NFATC1: variants seen among roughly 807,000 people sequenced by gnomAD.
NFATC1 encodes nuclear factor of activated T cells 1.
In NFATC1, 22 loss-of-function variants were observed where a neutral mutation model predicts 76.0. The observed-to-expected ratio is 0.29, with a 90% CI of 0.21 to 0.41. The LOEUF (loss-of-function observed/expected upper bound fraction) is 0.41, where lower values mean the gene tolerates loss of function less well. Ranked by LOEUF, NFATC1 falls within the 10% of genes least tolerant of loss-of-function variation. The probability of loss-of-function intolerance (pLI) is 1.00; values close to 1 mark genes in which losing one functional copy is unlikely to be tolerated. For missense variants in NFATC1, 1,357 were observed against 1,337.7 expected, an observed-to-expected ratio of 1.01 and a Z score of -0.23; for synonymous variants, 704 against 613.1, an observed-to-expected ratio of 1.15 and a Z score of -2.19.
intron 2 of NFATC1, among the ~76,000 whole-genome samples, chr18:79,427,089 T>C (rs552742524): frequency 1.7e-4 from 26 of 152,240 alleles, no homozygotes; most frequent in African/African-American, 6.0e-4. Context: ...GGAGGGAGCA[T>C]GTCCCGGGTT....
intron 8 of NFATC1, among the ~76,000 whole-genome samples, chr18:79,484,527 C>G (rs926055816): frequency 2.0e-5 from 3 of 152,182 alleles, no homozygotes; most frequent in African/African-American, 7.2e-5. Flanking sequence ...CTTTAAACCT[C>G]GATCTCCCCA....
intron 8 of NFATC1, among the ~76,000 whole-genome samples, chr18:79,473,181 T>C (rs535631457): frequency 4.6e-5 from 7 of 152,390 alleles, no homozygotes; most frequent in Middle Eastern, 3.4e-3. Context: ...GTGAGAATTC[T>C]GGGAGCCCAG....
rs1455499231 is a variant in NFATC1, at chr18:79,483,644, G to T, written c.2093-2604G>T. On this transcript the variant is annotated intron_variant, in intron 8 of 9. Coordinates refer to ENST00000427363, the MANE Select transcript of NFATC1 (RefSeq NM_001278669.2). The stretch of plus-strand genomic sequence containing the variant: ...TGGGGCGTCACTCTGGCGTGACCTG[G>T]TCCTGGGGTGTAATTCCAGCGTGAC... Among the ~76,000 whole-genome samples, 35 of 130,456 alleles carry T rather than the reference G, an allele frequency of 2.7e-4. 1 individual carries two copies. The highest frequency in any genetic ancestry group is 1.0e-3 in the African/African-American group (34 of 33,058). The allele number at this position is 130,456 out of a possible 152,430, so 85.6% of individuals were successfully genotyped here.
At chr18:79,431,891 C>T (rs529012044) in intron 2 of NFATC1, among the ~76,000 whole-genome samples, 13 of 152,212 alleles carry the variant, frequency 8.5e-5, no homozygotes, top group African/African-American at 2.9e-4. Context: ...TTAGTAGAGA[C>T]AGGGTTTCAC....
intron 1 of NFATC1, among the ~76,000 whole-genome samples, chr18:79,405,931 C>G (rs1043475825): frequency 1.3e-5 from 2 of 152,210 alleles, no homozygotes; most frequent in African/African-American, 4.8e-5. Context: ...CTTCCCCTCA[C>G]GCCTGGGCCC....
chr18:79,523,526 G>A (rs1013515187), intron 9 of NFATC1, among the ~76,000 whole-genome samples: 14 of 152,280 alleles, frequency 9.2e-5, no homozygotes, highest in African/African-American at 3.1e-4. Context: ...GCTAGTGAGA[G>A]CTTGCGTGGC....
intron 1 of NFATC1, chr18:79,400,373 G>A: frequency 6.9e-7 from 1 of 1,439,270 alleles, no homozygotes; most frequent in Non-Finnish European, 9.2e-7. Flanking sequence ...CTCCCGCCCC[G>A]GCCCCGGCCC....
chr18:79,426,996 T>A (rs957654017), intron 2 of NFATC1, among the ~76,000 whole-genome samples: 3 of 152,198 alleles, frequency 2.0e-5, no homozygotes, highest in Non-Finnish European at 2.9e-5. Context: ...GGGTTGGGAA[T>A]GGTGGGGGCT....
chr18:79,448,365 C>A (rs915408826), intron 3 of NFATC1: 2 of 222,688 alleles, frequency 9.0e-6, no homozygotes, highest in East Asian at 2.4e-4. Context: ...GTGGGAGCTG[C>A]GCGCTGCCCG....
intron 9 of NFATC1, among the ~76,000 whole-genome samples, chr18:79,487,814 C>T (rs563137256): frequency 2.0e-5 from 3 of 151,412 alleles, no homozygotes; most frequent in East Asian, 2.0e-4. Context: ...GGTTTGTGTG[C>T]GCGTTGTGAT....
intron 8 of NFATC1, chr18:79,470,931 A>C (rs1009478518): frequency 6.6e-5 from 10 of 152,188 alleles, no homozygotes; most frequent in African/African-American, 2.4e-4. Flanking sequence ...GCAGGCATTA[A>C]ATGGGGAGAA....
chr18:79,405,841 C>T (rs2085417353), intron 1 of NFATC1, among the ~76,000 whole-genome samples: 1 of 152,144 alleles, frequency 6.6e-6, no homozygotes, highest in South Asian at 2.1e-4. Flanking sequence ...AAATAAAGGC[C>T]CTCGGGTGCC....
intron 8 of NFATC1, among the ~76,000 whole-genome samples, chr18:79,478,763 C>A (rs1309060521): frequency 3.3e-5 from 5 of 152,212 alleles, no homozygotes; most frequent in African/African-American, 9.6e-5. Context: ...GCGGAAGCCC[C>A]CCTCCAGGAC....
At chr18:79,430,538 ATGCCCAGCTAATTTT>A (rs1328472370) in intron 2 of NFATC1, among the ~76,000 whole-genome samples, 3 of 152,194 alleles carry the variant, frequency 2.0e-5, no homozygotes, top group Non-Finnish European at 2.9e-5. Flanking sequence ...ACTCGCCACC[ATGCCCAGCTAATTTT>A]TGTATTTTTA....
Position 79,475,436 on chromosome 18 carries a change from G to A in NFATC1, c.2092+7854G>A, listed in dbSNP as rs546171289. ...TCGACGTTGTAAACCCGAGGGAAGC[G>A]TGTTCTCACGCTCACTGTCAACGTT... On this transcript the variant is annotated intron_variant, in intron 8 of 9. Transcript: ENST00000427363. 9.2e-4 allele frequency among the ~76,000 whole-genome samples: 139 copies of A among 150,286 alleles called. 1 individual carries two copies. Among genetic ancestry groups the A allele is most frequent in the South Asian group, 8.8e-3 (42 of 4,760 alleles).
intron 9 of NFATC1, among the ~76,000 whole-genome samples, chr18:79,509,914 A>G (rs2090203456): frequency 6.6e-6 from 1 of 152,210 alleles, no homozygotes; most frequent in Non-Finnish European, 1.5e-5. Flanking sequence ...CAGGTACCAC[A>G]CTGAGCTCAC....
At chr18:79,453,898 A>C (rs147804691) in intron 6 of NFATC1, among the ~76,000 whole-genome samples, 1 of 152,268 alleles carries the variant, frequency 6.6e-6, no homozygotes, top group South Asian at 2.1e-4. Flanking sequence ...CCGGCTTCTC[A>C]GGCGGGAGCC....
chr18:79,434,285 G>A (rs1007630821), intron 3 of NFATC1, among the ~76,000 whole-genome samples: 2 of 152,316 alleles, frequency 1.3e-5, no homozygotes, highest in South Asian at 2.1e-4. Flanking sequence ...CTGCAGCCGC[G>A]TCCCTGCTGG....
At chr18:79,406,499 T>C (rs1225268649) in intron 1 of NFATC1, among the ~76,000 whole-genome samples, 3 of 151,826 alleles carry the variant, frequency 2.0e-5, no homozygotes. Context: ...TCTCCTGGAG[T>C]TGATGACTGG....
Sources: allele counts gnomAD v4.1 joint callset (sites outside exome capture counted in the v4.1 genomes callset), GRCh38; gene constraint gnomAD v4.1.1; transcripts MANE v1.5; gene names NCBI Gene and HGNC (gene_info 2026-07-23, HGNC 2026-07-21).